Variants in HSD17B2 observed in about 807,000 individuals in gnomAD.
HSD17B2 encodes 17-beta-hydroxysteroid dehydrogenase type 2.
A neutral mutation model predicts 26.9 loss-of-function variants in HSD17B2; 32 were observed. The ratio of observed to expected loss-of-function variants is 1.19; its 90% CI spans 0.90 to 1.60. The LOEUF (loss-of-function observed/expected upper bound fraction) is 1.60, where lower values mean the gene tolerates loss of function less well. Ranked by LOEUF, HSD17B2 falls within the 40% of genes most tolerant of loss-of-function variation. HSD17B2 has a pLI of 0.00. For synonymous variants in HSD17B2, 246 were observed against 186.7 expected, an observed-to-expected ratio of 1.32 and a Z score of -2.59; for missense variants, 613 against 468.6, an observed-to-expected ratio of 1.31 and a Z score of -2.85.
chr16:82,043,208 A>G (rs758586883), intron 1 of HSD17B2, among the ~76,000 whole-genome samples: 2 of 152,136 alleles, frequency 1.3e-5, no homozygotes, highest in African/African-American at 4.8e-5. Flanking sequence ...TAGAGCTTTG[A>G]GGCTTCCATG....
At chr16:82,088,114 A>G (rs1488745888) in intron 3 of HSD17B2, among the ~76,000 whole-genome samples, 1 of 152,206 alleles carries the variant, frequency 6.6e-6, no homozygotes, top group Non-Finnish European at 1.5e-5. Flanking sequence ...TTAATATTCA[A>G]AAGATTACTT....
intron 1 of HSD17B2, among the ~76,000 whole-genome samples, chr16:82,054,945 C>A (rs955506856): frequency 1.3e-5 from 2 of 152,218 alleles, no homozygotes; most frequent in African/African-American, 4.8e-5. Context: ...AGTTTCTCAA[C>A]CTCGGCTCTC....
rs926984795 is a variant in HSD17B2 at position 82,098,382 on chromosome 16, C to A, written c.1110C>A (p.Asp370Glu). 1 of 1,614,036 alleles carries A rather than the reference C, an allele frequency of 6.2e-7. No homozygotes were observed. The highest frequency in any genetic ancestry group is 1.7e-4 in the Middle Eastern group (1 of 6,058). ...TTGCTAAAAGACATTTTGGCCAAGACAAGCCCATGCCCAGAGCTCTAAGAA... is the reference window on the plus strand; with the variant it reads ...TTGCTAAAAGACATTTTGGCCAAGAAAAGCCCATGCCCAGAGCTCTAAGAA... ...DYFAKRHFGQ[D>E]KPMPRALRMP... Residue 370 changes from aspartate to glutamate, a missense_variant, in exon 5 of 5, where the codon GAC becomes GAA. By Grantham distance (45) the Asp-to-Glu change is conservative. Transcript: ENST00000199936.
intron 4 of HSD17B2, chr16:82,095,582 C>G (rs1904816898): frequency 6.6e-6 from 1 of 152,214 alleles, no homozygotes; most frequent in African/African-American, 2.4e-5. Context: ...GGACTCTTGC[C>G]TACAGAAATA....
chr16:82,085,400 A>T (rs1293627261), intron 3 of HSD17B2, among the ~76,000 whole-genome samples: 4 of 152,184 alleles, frequency 2.6e-5, no homozygotes, highest in Non-Finnish European at 5.9e-5. Flanking sequence ...TCATTCTAAC[A>T]TCCACAGAAT....
At chr16:82,055,251 G>C (rs1423373511) in intron 1 of HSD17B2, among the ~76,000 whole-genome samples, 1 of 152,204 alleles carries the variant, frequency 6.6e-6, no homozygotes, top group Non-Finnish European at 1.5e-5. Context: ...GTTCCTGTCT[G>C]AGAGCCTTTG....
At chr16:82,089,481 C>T (rs770899295) in intron 3 of HSD17B2, among the ~76,000 whole-genome samples, 3 of 152,172 alleles carry the variant, frequency 2.0e-5, no homozygotes, top group Non-Finnish European at 4.4e-5. Context: ...TGTCTTTGCT[C>T]CTTCATAACA....
chr16:82,093,662 G>A (rs1410796718), intron 4 of HSD17B2: 1 of 152,206 alleles, frequency 6.6e-6, no homozygotes, highest in Non-Finnish European at 1.5e-5. Flanking sequence ...CCAAGAGAGG[G>A]TTTTTGGATC....
chr16:82,042,219 G>A (rs1454054170), intron 1 of HSD17B2, among the ~76,000 whole-genome samples: 1 of 151,532 alleles, frequency 6.6e-6, no homozygotes, highest in African/African-American at 2.4e-5. Flanking sequence ...TGACCAGGCT[G>A]GGCTTGAACC....
intron 3 of HSD17B2, among the ~76,000 whole-genome samples, chr16:82,081,785 T>C (rs1005856484): frequency 6.6e-6 from 1 of 152,220 alleles, no homozygotes; most frequent in African/African-American, 2.4e-5. Context: ...TTTTAAGTTC[T>C]GGGGTACATG....
chr16:82,090,758 C>G, intron 3 of HSD17B2, 144 bp from the exon 4 acceptor site: 1 of 722,298 alleles, frequency 1.4e-6, no homozygotes, highest in Non-Finnish European at 2.3e-6. Context: ...CATTGCTCAC[C>G]TGGGCTCAGG....
chr16:82,036,033 T>C (rs1240559265), intron 1 of HSD17B2, among the ~76,000 whole-genome samples: 4 of 152,212 alleles, frequency 2.6e-5, no homozygotes, highest in African/African-American at 7.2e-5. Context: ...AAATGGACTT[T>C]TGTTCTGACA....
In HSD17B2 at chr16:82,035,526, G is replaced by C. The variant is rs1187947831; in HGVS notation, c.102G>C (p.Leu34=). ...AATACAAGAAGAGCTCAGGGCAGCT[G>C]TGGAGCTGGATGGTCTGCCTGGCAG... ...FCKYKKSSGQ[L]WSWMVCLAGL... The change falls in exon 1 of 5, where the codon CTG becomes CTC. Residue 34 remains leucine (L), a synonymous_variant. Transcript: ENST00000199936. 1 of 1,614,158 alleles carries C rather than the reference G, an allele frequency of 6.2e-7. No homozygotes were observed. The highest frequency in any genetic ancestry group is 2.2e-5 in the East Asian group (1 of 44,874).
intron 1 of HSD17B2, chr16:82,044,470 G>A (rs1408877339): frequency 1.3e-5 from 2 of 152,260 alleles, no homozygotes; most frequent in Non-Finnish European, 2.9e-5. Context: ...CTGGGCAGCT[G>A]GGCTTAGCAC....
At chr16:82,041,652 T>C (rs1010886944) in intron 1 of HSD17B2, among the ~76,000 whole-genome samples, 4 of 152,256 alleles carry the variant, frequency 2.6e-5, no homozygotes, top group African/African-American at 9.6e-5. Flanking sequence ...ACTTTCTTTC[T>C]TTTCATGGCC....
At chr16:82,085,326 G>C (rs922371840) in intron 3 of HSD17B2, among the ~76,000 whole-genome samples, 14 of 152,182 alleles carry the variant, frequency 9.2e-5, no homozygotes, top group African/African-American at 3.4e-4. Flanking sequence ...AAAGTGGGTA[G>C]AGCAAGACTG....
intron 3 of HSD17B2, among the ~76,000 whole-genome samples, chr16:82,073,392 T>A (rs1260691789): frequency 6.6e-6 from 1 of 151,760 alleles, no homozygotes; most frequent in Non-Finnish European, 1.5e-5. Flanking sequence ...CCTAGCTAAT[T>A]TTTTTGTATT....
At chr16:82,092,216 TTATATTTCAGAAACAA>T (rs1024439524) in intron 4 of HSD17B2, 3 of 152,154 alleles carry the variant, frequency 2.0e-5, no homozygotes, top group Non-Finnish European at 4.4e-5. Flanking sequence ...CCCAGCTTCT[TTATATTTCAGAAACAA>T]TATTTTTCTC....
chr16:82,062,473 T>A (rs1394474978), intron 1 of HSD17B2, among the ~76,000 whole-genome samples: 1 of 152,230 alleles, frequency 6.6e-6, no homozygotes, highest in Non-Finnish European at 1.5e-5. Context: ...ATGTGCTTTT[T>A]ATTGAGCATC....
Sources: gnomAD v4.1 joint callset for allele counts (sites outside exome capture counted in the v4.1 genomes callset) on GRCh38, gnomAD v4.1.1 for gene constraint, MANE v1.5 for transcripts, NCBI Gene and HGNC (gene_info 2026-07-23, HGNC 2026-07-21) for gene names.